The following SEC22C variants were observed in gnomAD, a reference collection of about 807,000 sequenced individuals.
SEC22C encodes the protein SEC22 homolog C, vesicle trafficking protein, also known as vesicle-trafficking protein SEC22c.
SEC22C carries 29 observed loss-of-function variants against 34.7 expected under a neutral mutation model. That is an observed-to-expected ratio of 0.84 (90% CI 0.62 to 1.14). The LOEUF is 1.14. SEC22C is among the 50% of genes most tolerant of loss of function. The probability of loss-of-function intolerance (pLI) is 0.00; values close to 1 mark genes in which losing one functional copy is unlikely to be tolerated. For synonymous variants in SEC22C, 117 were observed against 132.8 expected (o/e 0.88, Z 0.82); for missense variants, 337 against 369.0 (o/e 0.91, Z 0.71).
chr3:42,563,887 G>T, intron 2 of SEC22C: 3 of 1,464,108 alleles, frequency 2.0e-6, no homozygotes, highest in South Asian at 2.4e-5. Flanking sequence ...ATGTCTAGTA[G>T]TCTTAATCAA....
upstream of SEC22C, among the ~76,000 whole-genome samples, chr3:42,583,517 T>C (rs1299493199): frequency 6.6e-6 from 1 of 152,148 alleles, no homozygotes; most frequent in Admixed American, 6.5e-5. Context: ...CTTAGACAAG[T>C]TGAATTTGAG....
chr3:42,588,840 T>C (rs539664726), intron 1 of SEC22C, among the ~76,000 whole-genome samples: 4 of 152,226 alleles, frequency 2.6e-5, no homozygotes, highest in South Asian at 4.1e-4. Flanking sequence ...TCTGAAAGCT[T>C]TGGGGAATTT....
chr3:42,579,128 T>G (rs1335443139), intron 1 of SEC22C, among the ~76,000 whole-genome samples: 1 of 151,856 alleles, frequency 6.6e-6, no homozygotes, highest in African/African-American at 2.4e-5. Flanking sequence ...AAATACAAAA[T>G]TAGCTAGGTA....
chr3:42,563,442 G>T, intron 3 of SEC22C, 81 bp downstream of exon 3: 1 of 1,286,552 alleles, frequency 7.8e-7, no homozygotes, highest in Non-Finnish European at 1.1e-6. Flanking sequence ...TTCCTTGATG[G>T]TCAAAGCCAA....
At chr3:42,553,750 A>G (rs568124738) in intron 6 of SEC22C, among the ~76,000 whole-genome samples, 1 of 152,352 alleles carries the variant, frequency 6.6e-6, no homozygotes, top group South Asian at 2.1e-4. Context: ...GTAGAGAAAG[A>G]AGAGCTGCAC....
At chr3:42,600,122 G>T (rs1705223710) in intron 1 of SEC22C, among the ~76,000 whole-genome samples, 1 of 152,118 alleles carries the variant, frequency 6.6e-6, no homozygotes. Flanking sequence ...TTTAAAAACG[G>T]GCAGAAGACT....
At chr3:42,568,340 G>C (rs1326206080) in intron 2 of SEC22C, among the ~76,000 whole-genome samples, 1 of 151,824 alleles carries the variant, frequency 6.6e-6, no homozygotes, top group Non-Finnish European at 1.5e-5. Flanking sequence ...TCCACTAACA[G>C]AAGTTAAGAG....
At chr3:42,576,243 T>C (rs1017807850) in intron 1 of SEC22C, among the ~76,000 whole-genome samples, 5 of 152,018 alleles carry the variant, frequency 3.3e-5, no homozygotes, top group Non-Finnish European at 7.4e-5. Context: ...AATGCTTACA[T>C]TCCAAAAGAA....
Position 42,551,367 on chromosome 3 carries a change from G to T in SEC22C, c.*1881C>A, listed in dbSNP as rs1577283318. ...TCATATTCAGACTTTTTAGAGACAG[G>T]GTTTCACTCTGTCATGCAGGCTGGG... On this transcript the variant is annotated 3_prime_UTR_variant, in exon 7 of 7. Transcript: ENST00000264454. 8 of 980,034 alleles carry T rather than the reference G, an allele frequency of 8.2e-6. No individual in the cohort carries two copies. The highest frequency in any genetic ancestry group is 8.5e-6 in the Non-Finnish European group (7 of 825,096). The allele number at this position is 980,034 out of a possible 1,614,324, so 60.7% of individuals were successfully genotyped here.
At position 42,581,850 on chromosome 3, in the gene SEC22C, C is replaced by T. The variant is rs1704386563; in HGVS notation, c.-32G>A. The T allele has an allele frequency of 6.6e-6, 1 of 152,322 alleles. No homozygotes were observed. Among genetic ancestry groups the T allele is most frequent in the Admixed American group, 6.5e-5 (1 of 15,292 alleles). The allele number at this position is 152,322 out of a possible 1,614,324, so 9.4% of individuals were successfully genotyped here. A position where few individuals can be genotyped will look rare whatever the true frequency, so the allele number is the denominator to read the frequency against. On this transcript the variant is annotated 5_prime_UTR_variant, in exon 1 of 7. Transcript: ENST00000264454. ...CCTCCGCCCGCCAGCCCTCACCTCG[C>T]CCGGACGGCGGCCTTCGGAAGTCGG...
Position 42,569,042 on chromosome 3 carries a change from G to A in SEC22C, c.5C>T (p.Ser2Phe). The change falls in exon 2 of 7, where the codon TCC becomes TTC. Residue 2 changes from serine (S) to phenylalanine (F), a missense_variant. Coordinates refer to ENST00000264454, the MANE Select transcript of SEC22C (RefSeq NM_032970.4). ...TACCACGCAGGCAAAAAAGATCACG[G>A]ACATGGTCCACAAGAGAAGTCATGA... Reference protein sequence around the residue: MSVIFFACVVRV... With the variant: MFVIFFACVVRV... 6.2e-7 allele frequency: 1 copy of A among 1,613,652 alleles called. No individual in the cohort carries two copies. Among genetic ancestry groups the A allele is most frequent in the Non-Finnish European group, 8.5e-7 (1 of 1,179,810 alleles).
upstream of SEC22C, among the ~76,000 whole-genome samples, chr3:42,583,125 G>A (rs1704485305): frequency 6.6e-6 from 1 of 152,202 alleles, no homozygotes; most frequent in Non-Finnish European, 1.5e-5. Flanking sequence ...GGACCATAGT[G>A]GAAAGTTTAG....
In SEC22C at chr3:42,549,527, A is replaced by C; in HGVS notation, c.*3721T>G. On this transcript the variant is annotated 3_prime_UTR_variant, in exon 7 of 7. Transcript: ENST00000264454. Reference sequence around the variant, plus strand: ...AGCCAGCCTTGCTGGCCTGCTGGCTATTGTCTCTGACTCTGAGCTGTGCTG... The same window carrying C: ...AGCCAGCCTTGCTGGCCTGCTGGCTCTTGTCTCTGACTCTGAGCTGTGCTG... 1.0e-6 allele frequency: 1 copy of C among 984,630 alleles called. No individual in the cohort carries two copies. The highest frequency in any genetic ancestry group is 1.2e-6 in the Non-Finnish European group (1 of 830,050). The allele number at this position is 984,630 out of a possible 1,614,324, so 61.0% of individuals were successfully genotyped here. A position where few individuals can be genotyped will look rare whatever the true frequency, so the allele number is the denominator to read the frequency against.
chr3:42,576,791 G>A (rs1263659875), intron 1 of SEC22C, among the ~76,000 whole-genome samples: 2 of 150,526 alleles, frequency 1.3e-5, no homozygotes, highest in Non-Finnish European at 3.0e-5. Context: ...TCTAAAATGC[G>A]TATGAAAAGG....
chr3:42,570,570 C>T (rs1047052708), intron 1 of SEC22C, among the ~76,000 whole-genome samples: 1 of 152,188 alleles, frequency 6.6e-6, no homozygotes, highest in South Asian at 2.1e-4. Context: ...CATTTCTCCA[C>T]ACCTTCCATT....
intron 4 of SEC22C, among the ~76,000 whole-genome samples, chr3:42,560,712 C>T (rs1230944042): frequency 6.6e-6 from 1 of 152,040 alleles, no homozygotes; most frequent in Non-Finnish European, 1.5e-5. Flanking sequence ...AATCATGGCT[C>T]GCTGCAGCCT....
intron 2 of SEC22C, chr3:42,566,888 C>A: frequency 3.4e-6 from 1 of 295,644 alleles, no homozygotes; most frequent in South Asian, 2.7e-5. Flanking sequence ...GACTCAGCTA[C>A]TTGGGAGGCT....
chr3:42,601,057 G>T, exon 1 of SEC22C: 3 of 1,576,090 alleles, frequency 1.9e-6, no homozygotes, highest in Non-Finnish European at 2.6e-6. Flanking sequence ...AGATCAACCG[G>T]GAGCCGGGTG....
At chr3:42,596,290 G>A (rs919617981) in intron 1 of SEC22C, among the ~76,000 whole-genome samples, 2 of 152,172 alleles carry the variant, frequency 1.3e-5, no homozygotes, top group African/African-American at 4.8e-5. Context: ...CTAGAGTGCT[G>A]GGATTACAGG....
Sources: allele counts gnomAD v4.1 joint callset (sites outside exome capture counted in the v4.1 genomes callset), GRCh38; gene constraint gnomAD v4.1.1; transcripts MANE v1.5; gene names NCBI Gene and HGNC (gene_info 2026-07-23, HGNC 2026-07-21).